The following PIWIL3 variants were observed in gnomAD, a reference collection of about 807,000 sequenced individuals.
PIWIL3 encodes the protein piwi-like protein 3.
A neutral mutation model predicts 109.7 loss-of-function variants in PIWIL3; 101 were observed. The observed-to-expected ratio is 0.92, with a 90% CI of 0.78 to 1.09. The LOEUF is 1.09. Ranked by LOEUF, PIWIL3 falls within the 50% of genes least tolerant of loss-of-function variation. The pLI is 0.00. For missense variants in PIWIL3, 1,031 were observed against 1,072.6 expected (o/e 0.96, Z 0.54); for synonymous variants, 373 against 376.4 (o/e 0.99, Z 0.10).
Position 24,757,992 on chromosome 22 carries a change from G to C in PIWIL3, c.271C>G (p.Gln91Glu), listed in dbSNP as rs1215239771. ...PEAGLHTAPL[Q>E]ERRIGGVFQD... ...AAAACTCCACCAATCCTTCTCTCCT[G>C]CAAGGGCGCTGTATGCAACCCAGCC... The change falls in exon 4 of 21, where the codon CAG (glutamine) becomes GAG (glutamate). Residue 91 changes from glutamine to glutamate, a missense_variant. Transcript: ENST00000616349. 6.2e-7 allele frequency: 1 copy of C among 1,613,870 alleles called. No homozygotes were observed. Among genetic ancestry groups the C allele is most frequent in the Non-Finnish European group, 8.5e-7 (1 of 1,179,904 alleles).
chr22:24,734,881 C>T (rs998472212), intron 13 of PIWIL3, among the ~76,000 whole-genome samples: 2 of 140,946 alleles, frequency 1.4e-5, no homozygotes, highest in Non-Finnish European at 3.0e-5. Flanking sequence ...CAGGGGTACA[C>T]ATGCAGGTTT....
In PIWIL3 at chr22:24,735,284, A is replaced by G. The variant is rs143229257; in HGVS notation, c.1634+424T>C. 5.7e-3 allele frequency among the ~76,000 whole-genome samples: 866 copies of G among 152,292 alleles called. 9 individuals are homozygous for G. Among genetic ancestry groups the G allele is most frequent in the African/African-American group, 0.019 (805 of 41,542 alleles). On this transcript the variant is annotated intron_variant, in intron 13 of 20. Coordinates refer to ENST00000616349, the MANE Select transcript of PIWIL3 (RefSeq NM_001255975.1). ...GACTTTGGGTGATTATGATATTTCAATGTAGGCTCATCAGCTGCAACAAAT... is the reference window on the plus strand; with the variant it reads ...GACTTTGGGTGATTATGATATTTCAGTGTAGGCTCATCAGCTGCAACAAAT...
chr22:24,748,761 T>C (rs1924520676), intron 12 of PIWIL3, 146 bp downstream of exon 12: 3 of 600,982 alleles, frequency 5.0e-6, no homozygotes, highest in Non-Finnish European at 8.6e-6. Flanking sequence ...TCATTCTTAG[T>C]GTTTCTTATT....
intron 12 of PIWIL3, 93 bp from the exon 13 acceptor site, chr22:24,735,985 T>C (rs1178551640): frequency 6.8e-6 from 7 of 1,031,516 alleles, no homozygotes; most frequent in African/African-American, 3.3e-5. Flanking sequence ...CTATCTCCTA[T>C]AGAAATGTTA....
intron 20 of PIWIL3, 61 bp from the exon 21 acceptor site, chr22:24,719,649 A>T (rs1184674844): frequency 6.5e-6 from 10 of 1,533,832 alleles, no homozygotes; most frequent in Non-Finnish European, 8.9e-6. Context: ...ACTTTCCCTA[A>T]ATTTAAATTC....
At chr22:24,759,781 T>A (rs944555850) in intron 3 of PIWIL3, 88 bp downstream of exon 3, 26 of 1,581,296 alleles carry the variant, frequency 1.6e-5, no homozygotes, top group Non-Finnish European at 2.1e-5. Context: ...ACGGGAGTCC[T>A]GAGGCTATCT....
At chr22:24,769,445 T>G (rs1472760007) in intron 1 of PIWIL3, among the ~76,000 whole-genome samples, 5 of 152,030 alleles carry the variant, frequency 3.3e-5, no homozygotes, top group African/African-American at 1.2e-4. Flanking sequence ...ACCCCCTCTC[T>G]ACTAAAAATA....
At chr22:24,755,931 A>G (rs1254066083) in intron 5 of PIWIL3, 26 bp from the exon 6 acceptor site, 1 of 1,599,356 alleles carries the variant, frequency 6.3e-7, no homozygotes, top group Non-Finnish European at 8.5e-7. Context: ...AACAAAAAAA[A>G]AAGTCCAGAT....
chr22:24,726,611 G>C (rs1284525579), intron 16 of PIWIL3, among the ~76,000 whole-genome samples: 2 of 152,144 alleles, frequency 1.3e-5, no homozygotes, highest in Non-Finnish European at 2.9e-5. Context: ...TAATTTTTTG[G>C]AAGTTTTTAT....
At chr22:24,759,535 A>G (rs1430768643) in intron 3 of PIWIL3, among the ~76,000 whole-genome samples, 3 of 152,250 alleles carry the variant, frequency 2.0e-5, no homozygotes, top group Admixed American at 6.5e-5. Context: ...TAATGCCACA[A>G]TTTAAAGAGG....
chr22:24,731,164 C>T (rs118150905), intron 14 of PIWIL3, among the ~76,000 whole-genome samples: 1,589 of 152,158 alleles, frequency 0.01, 10 homozygotes, highest in Middle Eastern at 0.027. Context: ...GTTTTACTGG[C>T]GGTCTGAAGA....
chr22:24,727,925 A>C, intron 16 of PIWIL3, 25 bp downstream of exon 16: 1 of 1,568,988 alleles, frequency 6.4e-7, no homozygotes, highest in Non-Finnish European at 8.7e-7. Flanking sequence ...CTACTAACTA[A>C]ACATGTCTAC....
chr22:24,754,090 TTC>T lies in PIWIL3; in HGVS notation c.899_900del (p.Arg300AsnfsTer16). The T allele has an allele frequency of 6.2e-7, 1 of 1,613,290 alleles. No individual in the cohort carries two copies. ...RIETAYDFIK[R>X]TSAQAQTGNI... is the part of the protein sequence containing the mutation. ...TTTCCTGTCTGGGCCTGGGCAGATG[TTC>T]TCTTTATGAAATCATAAGCAGTTTC... On this transcript the variant is annotated frameshift_variant, in exon 8 of 21. Coordinates refer to ENST00000616349, the MANE Select transcript of PIWIL3 (RefSeq NM_001255975.1). LOFTEE classifies it high-confidence loss of function.
intron 1 of PIWIL3, among the ~76,000 whole-genome samples, chr22:24,773,765 A>T (rs1926267619): frequency 8.0e-6 from 1 of 125,626 alleles, no homozygotes; most frequent in Admixed American, 1.0e-4. Flanking sequence ...CCCAGGCTGG[A>T]GTACAGTGGT....
Position 24,756,723 on chromosome 22 carries a change from A to G in PIWIL3, c.356-18T>C. 1.3e-6 allele frequency: 2 copies of G among 1,590,864 alleles called. No homozygotes were observed. The highest frequency in any genetic ancestry group is 1.1e-5 in the South Asian group (1 of 90,028). ...CTCTGAACCTGAAAAATGGAGCCAC[A>G]TGACAATAAAGAAACAGACTGATTG... is the stretch of plus-strand genomic sequence containing the variant. On this transcript the variant is annotated intron_variant, in intron 4 of 20. Coordinates refer to ENST00000616349, the MANE Select transcript of PIWIL3 (RefSeq NM_001255975.1).
Position 24,768,293 on chromosome 22 carries a change from C to A in PIWIL3, c.-22-5772G>T, listed in dbSNP as rs1292977048. ...TGAGATGGAGTCTTGCTCTGTTGCC[C>A]AGGCTGGAGTGAGTGCAGTGACACA... On this transcript the variant is annotated intron_variant, in intron 1 of 20. Transcript: ENST00000616349. 1.3e-4 allele frequency among the ~76,000 whole-genome samples: 19 copies of A among 151,650 alleles called. 1 individual carries two copies. In the South Asian group the frequency reaches 4.0e-3, roughly 32 times the overall value.
intron 1 of PIWIL3, among the ~76,000 whole-genome samples, chr22:24,766,974 A>C (rs1473369805): frequency 2.0e-5 from 3 of 151,878 alleles, no homozygotes; most frequent in Non-Finnish European, 4.4e-5. Context: ...AAAAAAAAAA[A>C]AATTAAAAAA....
intron 1 of PIWIL3, among the ~76,000 whole-genome samples, chr22:24,763,244 A>C (rs553191842): frequency 4.1e-5 from 6 of 145,282 alleles, no homozygotes; most frequent in East Asian, 2.0e-4. Context: ...TCCCGGGCTC[A>C]AGCAATTCTC....
intron 12 of PIWIL3, among the ~76,000 whole-genome samples, chr22:24,738,488 T>C (rs898217089): frequency 3.3e-5 from 5 of 152,236 alleles, no homozygotes; most frequent in Admixed American, 2.6e-4. Flanking sequence ...TGCAGTCCCA[T>C]TGGTGGTCAC....
Sources: gnomAD v4.1 joint callset for allele counts (sites outside exome capture counted in the v4.1 genomes callset) on GRCh38, gnomAD v4.1.1 for gene constraint, MANE v1.5 for transcripts, NCBI Gene and HGNC (gene_info 2026-07-23, HGNC 2026-07-21) for gene names.